Variants in KIAA0319 observed in about 807,000 individuals in gnomAD.
KIAA0319 encodes the protein KIAA0319, also known as dyslexia-associated protein KIAA0319.
KIAA0319 carries 83 observed loss-of-function variants against 108.4 expected under a neutral mutation model. The observed-to-expected ratio is 0.77, with a 90% CI of 0.64 to 0.92. The LOEUF (loss-of-function observed/expected upper bound fraction) is 0.92, where lower values mean the gene tolerates loss of function less well. KIAA0319 is among the 40% of genes least tolerant of loss of function. The pLI is 0.00. For synonymous variants in KIAA0319, 484 were observed against 510.4 expected (o/e 0.95, Z 0.70); for missense variants, 1,195 against 1,322.4 (o/e 0.90, Z 1.49).
chr6:24,600,802 A>C (rs1424053952), intron 2 of KIAA0319: 2 of 752,714 alleles, frequency 2.7e-6, no homozygotes, highest in Non-Finnish European at 4.2e-6. Context: ...TATAAACATA[A>C]AGTTTTCCTA....
chr6:24,598,096 C>T, intron 2 of KIAA0319: 1 of 441,022 alleles, frequency 2.3e-6, no homozygotes, highest in Non-Finnish European at 4.3e-6. Flanking sequence ...CACAAGCTGG[C>T]CTGGTGCCAG....
rs1228145070 is a variant in KIAA0319 at position 24,630,472 on chromosome 6, G to A, written c.-106+15264C>T. Among the ~76,000 whole-genome samples, 3 of 134,562 alleles carry A rather than the reference G, an allele frequency of 2.2e-5. No homozygotes were observed. The East Asian group carries it at 6.3e-4, about 28-fold the overall frequency. The allele number at this position is 134,562 out of a possible 152,430, so 88.3% of individuals were successfully genotyped here. ...TGCAGTGAGCTGAGATTGCACCACT[G>A]TACTCCAGTCTGGGTGACAGAGCAA... On this transcript the variant is annotated intron_variant, in intron 1 of 20. Transcript: ENST00000378214.
intron 4 of KIAA0319, among the ~76,000 whole-genome samples, chr6:24,584,547 G>A (rs1389961179): frequency 6.6e-6 from 1 of 151,492 alleles, no homozygotes; most frequent in African/African-American, 2.4e-5. Flanking sequence ...AGTCCCTCGA[G>A]TGCCTCCTAG....
intron 1 of KIAA0319, among the ~76,000 whole-genome samples, chr6:24,616,612 A>C (rs1773194281): frequency 6.6e-6 from 1 of 152,222 alleles, no homozygotes; most frequent in Non-Finnish European, 1.5e-5. Flanking sequence ...TCGGTCTCCC[A>C]AAGTGCTGGG....
intron 13 of KIAA0319, among the ~76,000 whole-genome samples, chr6:24,568,295 G>A (rs115346963): frequency 6.6e-6 from 1 of 152,318 alleles, no homozygotes; most frequent in Non-Finnish European, 1.5e-5. Context: ...CTGCTATACT[G>A]AGGCTATACT....
At chr6:24,633,016 A>G (rs138423079) in intron 1 of KIAA0319, among the ~76,000 whole-genome samples, 20 of 152,312 alleles carry the variant, frequency 1.3e-4, no homozygotes, top group Non-Finnish European at 1.5e-4. Context: ...ACCAGCTGGG[A>G]GAAAATACAG....
intron 17 of KIAA0319, 136 bp downstream of exon 17, chr6:24,558,877 A>G (rs1266232278): frequency 5.8e-6 from 5 of 860,748 alleles, no homozygotes; most frequent in Non-Finnish European, 8.7e-6. Flanking sequence ...AGGAAACTCT[A>G]TTGGAGAAAT....
chr6:24,615,195 A>G (rs1200199744), intron 1 of KIAA0319, among the ~76,000 whole-genome samples: 1 of 152,200 alleles, frequency 6.6e-6, no homozygotes, highest in African/African-American at 2.4e-5. Flanking sequence ...TGTACATTAT[A>G]GCATTATGAA....
intron 20 of KIAA0319, among the ~76,000 whole-genome samples, chr6:24,550,426 T>C (rs1480617937): frequency 2.6e-5 from 4 of 152,228 alleles, no homozygotes; most frequent in Non-Finnish European, 4.4e-5. Context: ...CCCAGAATTA[T>C]GGAAAATCTA....
chr6:24,579,333 A>C (rs1011828828), intron 8 of KIAA0319, among the ~76,000 whole-genome samples: 1 of 150,764 alleles, frequency 6.6e-6, no homozygotes, highest in Non-Finnish European at 1.5e-5. Flanking sequence ...CCCTTCTAAG[A>C]GTTCTTAAAA....
intron 1 of KIAA0319, among the ~76,000 whole-genome samples, chr6:24,618,795 C>A (rs1323183847): frequency 1.3e-5 from 2 of 149,938 alleles, no homozygotes; most frequent in African/African-American, 4.9e-5. Context: ...TAGCAAGGTA[C>A]AAGACTAAAA....
At chr6:24,630,697 A>G (rs1197424281) in intron 1 of KIAA0319, among the ~76,000 whole-genome samples, 2 of 70,192 alleles carry the variant, frequency 2.8e-5, no homozygotes, top group African/African-American at 7.3e-5. Context: ...ATATATATAT[A>G]TATATACACA....
intron 1 of KIAA0319, among the ~76,000 whole-genome samples, chr6:24,617,807 T>G (rs1381495238): frequency 6.6e-6 from 1 of 152,096 alleles, no homozygotes; most frequent in African/African-American, 2.4e-5. Context: ...GCCAACATGC[T>G]GAAATCCCAT....
At chr6:24,560,476 T>C (rs1484266406) in intron 16 of KIAA0319, among the ~76,000 whole-genome samples, 1 of 152,242 alleles carries the variant, frequency 6.6e-6, no homozygotes, top group Non-Finnish European at 1.5e-5. Context: ...TTTCATGTGC[T>C]TATTGGCCAT....
chr6:24,567,310 G>A (rs188404762), intron 13 of KIAA0319, among the ~76,000 whole-genome samples: 151 of 152,020 alleles, frequency 9.9e-4, no homozygotes, highest in African/African-American at 3.3e-3. Context: ...GAGACCAGCC[G>A]GGGCAACACA....
intron 17 of KIAA0319, among the ~76,000 whole-genome samples, chr6:24,557,570 G>A (rs1414227587): frequency 6.6e-6 from 1 of 152,176 alleles, no homozygotes; most frequent in East Asian, 1.9e-4. Flanking sequence ...TATCTGGAGT[G>A]CAATGGCAAT....
At chr6:24,619,971 C>T (rs1319243559) in intron 1 of KIAA0319, among the ~76,000 whole-genome samples, 2 of 152,178 alleles carry the variant, frequency 1.3e-5, no homozygotes, top group African/African-American at 2.4e-5. Context: ...GGATCCCATT[C>T]GCTGTTCATT....
Position 24,546,214 on chromosome 6 carries a change from G to A in KIAA0319, c.*951C>T, listed in dbSNP as rs1194193999. The A allele has an allele frequency of 1.3e-5, 2 of 151,862 alleles. No homozygotes were observed. Among genetic ancestry groups the A allele is most frequent in the East Asian group, 1.9e-4 (1 of 5,164 alleles). The allele number at this position is 151,862 out of a possible 1,614,324, so 9.4% of individuals were successfully genotyped here. A position where few individuals can be genotyped will look rare whatever the true frequency, so the allele number is the denominator to read the frequency against. ...TCGGGGACCAGAGTATCATAACCAC[G>A]CCATCCAAGTTAAGACTGACTGTAT... On this transcript the variant is annotated 3_prime_UTR_variant, in exon 21 of 21. Coordinates refer to ENST00000378214, the MANE Select transcript of KIAA0319 (RefSeq NM_014809.4).
chr6:24,628,069 G>T (rs11759218), intron 1 of KIAA0319, among the ~76,000 whole-genome samples: 1 of 152,102 alleles, frequency 6.6e-6, no homozygotes, highest in African/African-American at 2.4e-5. Context: ...TCAAGCACAC[G>T]TAGTGCTGGA....
Sources: gnomAD v4.1 joint callset for allele counts (sites outside exome capture counted in the v4.1 genomes callset) on GRCh38, gnomAD v4.1.1 for gene constraint, MANE v1.5 for transcripts, NCBI Gene and HGNC (gene_info 2026-07-23, HGNC 2026-07-21) for gene names.